The following ATP10B variants were observed in gnomAD, a reference collection of about 807,000 sequenced individuals.
ATP10B encodes phospholipid-transporting ATPase VB.
Under a neutral mutation model 141.2 loss-of-function variants are expected in ATP10B, and 122 were observed. The ratio of observed to expected loss-of-function variants is 0.86; its 90% CI spans 0.75 to 1.00. The LOEUF (loss-of-function observed/expected upper bound fraction) is 1.00. Ranked by LOEUF, ATP10B falls within the 50% of genes least tolerant of loss-of-function variation. The pLI, the probability that ATP10B is intolerant of heterozygous loss-of-function variation, is 0.00. For synonymous variants in ATP10B, 685 were observed against 692.0 expected (o/e 0.99, Z 0.16); for missense variants, 1,876 against 1,825.3 (o/e 1.03, Z -0.51).
At chr5:160,758,805 G>T (rs1199368916) in intron 2 of ATP10B, among the ~76,000 whole-genome samples, 1 of 152,124 alleles carries the variant, frequency 6.6e-6, no homozygotes, top group Non-Finnish European at 1.5e-5. Flanking sequence ...AGAGAGACAG[G>T]GCAGGTAAGA....
intron 2 of ATP10B, among the ~76,000 whole-genome samples, chr5:160,748,721 G>C (rs1183619381): frequency 6.6e-6 from 1 of 152,142 alleles, no homozygotes; most frequent in African/African-American, 2.4e-5. Flanking sequence ...GATGTTAATT[G>C]GTTTCATAAC....
intron 2 of ATP10B, among the ~76,000 whole-genome samples, chr5:160,731,488 C>G (rs1240047886): frequency 6.6e-6 from 1 of 152,136 alleles, no homozygotes; most frequent in Non-Finnish European, 1.5e-5. Context: ...TGAATTTGAA[C>G]CCCTAATATC....
chr5:160,569,820 T>C, intron 24 of ATP10B, 137 bp from the exon 25 acceptor site: 1 of 676,632 alleles, frequency 1.5e-6, no homozygotes, highest in South Asian at 2.3e-5. Context: ...GTGTGCAGCT[T>C]AATCTATCAT....
intron 1 of ATP10B, among the ~76,000 whole-genome samples, chr5:160,803,363 G>A (rs979927005): frequency 6.6e-6 from 1 of 152,090 alleles, no homozygotes; most frequent in African/African-American, 2.4e-5. Flanking sequence ...ACTTTTTAGA[G>A]GCATCAACTG....
At chr5:160,838,511 G>T (rs1335204976) in intron 1 of ATP10B, among the ~76,000 whole-genome samples, 1 of 152,076 alleles carries the variant, frequency 6.6e-6, no homozygotes, top group African/African-American at 2.4e-5. Context: ...ATTTTAGCTG[G>T]ACCATTATTT....
chr5:160,724,893 A>T (rs1384198274), intron 2 of ATP10B, among the ~76,000 whole-genome samples: 1 of 152,140 alleles, frequency 6.6e-6, no homozygotes, highest in African/African-American at 2.4e-5. Flanking sequence ...AGCATTTATC[A>T]TCTGATGTAA....
chr5:160,884,669 G>A, the ATP10B span, among the ~76,000 whole-genome samples: 1 of 151,782 alleles, frequency 6.6e-6, no homozygotes, highest in Non-Finnish European at 1.5e-5. Context: ...TTTCATTATG[G>A]CAATTGATAT....
chr5:160,603,874 T>C (rs1757232212), intron 20 of ATP10B, 91 bp downstream of exon 20: 10 of 1,119,954 alleles, frequency 8.9e-6, no homozygotes, highest in Non-Finnish European at 1.2e-5. Context: ...TGGGTGGAAG[T>C]TCTCAGGGAG....
the ATP10B span, among the ~76,000 whole-genome samples, chr5:160,905,279 G>A: frequency 6.6e-6 from 1 of 152,200 alleles, no homozygotes; most frequent in Admixed American, 6.5e-5. Context: ...TAGGTAAGGA[G>A]GATTTAATTT....
chr5:160,628,975 T>G (rs1394234274), intron 13 of ATP10B, among the ~76,000 whole-genome samples: 2 of 152,110 alleles, frequency 1.3e-5, no homozygotes, highest in African/African-American at 2.4e-5. Flanking sequence ...TTGTTGCTGT[T>G]TTTGTCGATT....
chr5:160,773,733 A>G (rs949481186), intron 2 of ATP10B, among the ~76,000 whole-genome samples: 22 of 152,204 alleles, frequency 1.4e-4, no homozygotes, highest in African/African-American at 5.3e-4. Context: ...TTCTGGGTGA[A>G]AGAGTTTTAG....
chr5:160,670,737 G>GA, intron 6 of ATP10B, 70 bp from the exon 7 acceptor site: 1 of 1,425,670 alleles, frequency 7.0e-7, no homozygotes, highest in South Asian at 1.3e-5. Flanking sequence ...AAGAATAGAG[G>GA]AAGGTCCCAC....
At chr5:160,882,733 G>A in the ATP10B span, among the ~76,000 whole-genome samples, 1 of 152,062 alleles carries the variant, frequency 6.6e-6, no homozygotes, top group African/African-American at 2.4e-5. Context: ...ATGGTATGGA[G>A]GAATGGAAGA....
chr5:160,642,239 T>C (rs185348050), intron 9 of ATP10B, among the ~76,000 whole-genome samples: 22 of 152,326 alleles, frequency 1.4e-4, no homozygotes, highest in Non-Finnish European at 2.8e-4. Flanking sequence ...GGGAGATGAT[T>C]GTGGTGTATG....
At chr5:160,742,994 CATT>C (rs1376958663) in intron 2 of ATP10B, among the ~76,000 whole-genome samples, 7 of 152,206 alleles carry the variant, frequency 4.6e-5, no homozygotes, top group African/African-American at 1.7e-4. Flanking sequence ...AATTAAAAAT[CATT>C]ATAATCGCAA....
chr5:160,866,058 ACT>A, the ATP10B span, among the ~76,000 whole-genome samples: 3 of 152,284 alleles, frequency 2.0e-5, no homozygotes, highest in East Asian at 5.8e-4. Context: ...CAATAGCACT[ACT>A]GGGTATCTAC....
intron 2 of ATP10B, among the ~76,000 whole-genome samples, chr5:160,755,256 C>T (rs1768441541): frequency 7.9e-6 from 1 of 126,154 alleles, no homozygotes; most frequent in African/African-American, 3.5e-5. Context: ...CTCCTGAGAA[C>T]TCACTCACTT....
chr5:160,898,827 G>A, the ATP10B span, among the ~76,000 whole-genome samples: 4 of 152,154 alleles, frequency 2.6e-5, no homozygotes, highest in Non-Finnish European at 4.4e-5. Context: ...AAAAAAGGAT[G>A]AGCTCATGTG....
chr5:160,894,586 C>T, the ATP10B span, among the ~76,000 whole-genome samples: 5 of 152,098 alleles, frequency 3.3e-5, no homozygotes, highest in Admixed American at 2.6e-4. Flanking sequence ...GATTGGTGCA[C>T]CTGAAAGTGA....
Sources: gnomAD v4.1 joint callset for allele counts (sites outside exome capture counted in the v4.1 genomes callset) on GRCh38, gnomAD v4.1.1 for gene constraint, MANE v1.5 for transcripts, NCBI Gene and HGNC (gene_info 2026-07-23, HGNC 2026-07-21) for gene names.